The following SORCS1 variants were observed in gnomAD, a reference collection of about 807,000 sequenced individuals.
SORCS1 encodes the protein VPS10 domain-containing receptor SorCS1.
In SORCS1, 60 loss-of-function variants were observed where a neutral mutation model predicts 146.1. The observed-to-expected ratio is 0.41, with a 90% confidence interval of 0.33 to 0.51. The LOEUF is 0.51. Among genes scored for constraint, SORCS1 ranks in the 20% least tolerant of loss-of-function variants. SORCS1 has a pLI of 0.21. For missense variants in SORCS1, 1,352 were observed against 1,487.6 expected (o/e 0.91, Z 1.50); for synonymous variants, 637 against 584.0 (o/e 1.09, Z -1.31).
In SORCS1 at chr10:107,095,929, T is replaced by C. The variant is rs1015332523; in HGVS notation, c.558+68040A>G. Among the ~76,000 whole-genome samples, 5 of 152,174 alleles carry C rather than the reference T, an allele frequency of 3.3e-5. No homozygotes were observed. The South Asian group carries it at 8.3e-4, about 25-fold the overall frequency. ...ATAGCCCCAACATAGTTATTTCCAA[T>C]TGGTAAGTGGAATTCAATTTGCATT... is the stretch of plus-strand genomic sequence containing the variant. On this transcript the variant is annotated intron_variant, in intron 1 of 25. Transcript: ENST00000263054.
intron 1 of SORCS1, among the ~76,000 whole-genome samples, chr10:107,080,603 C>T (rs776010442): frequency 6.6e-6 from 1 of 152,176 alleles, no homozygotes; most frequent in Non-Finnish European, 1.5e-5. Flanking sequence ...ATGTGAAAGG[C>T]CTTCAGCAGT....
chr10:106,990,089 C>T (rs760883829), intron 1 of SORCS1, among the ~76,000 whole-genome samples: 2 of 152,096 alleles, frequency 1.3e-5, no homozygotes, highest in Non-Finnish European at 2.9e-5. Flanking sequence ...ATTTCTTTTG[C>T]AATGAAAATA....
intron 2 of SORCS1, among the ~76,000 whole-genome samples, chr10:106,937,102 G>A (rs1365343824): frequency 1.3e-5 from 2 of 151,962 alleles, no homozygotes; most frequent in East Asian, 1.9e-4. Context: ...TCATTGGGAG[G>A]TAACTGAATC....
intron 2 of SORCS1, among the ~76,000 whole-genome samples, chr10:106,902,456 T>C (rs184637938): frequency 1.2e-4 from 19 of 152,280 alleles, no homozygotes; most frequent in African/African-American, 4.3e-4. Flanking sequence ...TACATTAGAA[T>C]ACTTAAACAT....
At chr10:106,780,988 T>C (rs957097695) in intron 3 of SORCS1, among the ~76,000 whole-genome samples, 1 of 150,802 alleles carries the variant, frequency 6.6e-6, no homozygotes, top group East Asian at 2.0e-4. Context: ...TTTTTTTTTT[T>C]TTTGGTATTA....
At chr10:107,020,223 G>A (rs559661434) in intron 1 of SORCS1, among the ~76,000 whole-genome samples, 2 of 152,290 alleles carry the variant, frequency 1.3e-5, no homozygotes, top group East Asian at 3.9e-4. Context: ...CTAATCTTAG[G>A]ACTTCACTAA....
intron 1 of SORCS1, among the ~76,000 whole-genome samples, chr10:107,024,788 AT>A (rs1193010645): frequency 6.6e-6 from 1 of 152,120 alleles, no homozygotes; most frequent in African/African-American, 2.4e-5. Context: ...TACATTGGTA[AT>A]TTTTTCACAG....
chr10:106,609,330 A>G lies in SORCS1; in HGVS notation c.3034-2033T>C, dbSNP rs542201833. ...ACAAAAATGTTTATAATGACATTCA[A>G]TTAAAGATTTCATTGTGAAATGTCA... On this transcript the variant is annotated intron_variant, in intron 22 of 25. Transcript: ENST00000263054. Among the ~76,000 whole-genome samples the G allele has an allele frequency of 6.6e-5, 10 of 152,358 alleles. No homozygotes were observed. In the East Asian group the frequency reaches 1.5e-3, roughly 23 times the overall value.
At position 107,120,573 on chromosome 10, in the gene SORCS1, T is replaced by C. The variant is rs1367711128; in HGVS notation, c.558+43396A>G. 2.6e-5 allele frequency among the ~76,000 whole-genome samples: 4 copies of C among 152,192 alleles called. No homozygotes were observed. The South Asian group carries it at 6.2e-4, about 24-fold the overall frequency. ...GACTTATAACATGGATCACTTGAAA[T>C]AAGGACCAGGAAATTCACAGAAGTA... is the stretch of plus-strand genomic sequence containing the variant. On this transcript the variant is annotated intron_variant, in intron 1 of 25. Transcript: ENST00000263054.
intron 1 of SORCS1, among the ~76,000 whole-genome samples, chr10:106,997,376 C>T (rs546639261): frequency 4.0e-4 from 61 of 152,332 alleles, no homozygotes; most frequent in African/African-American, 1.4e-3. Flanking sequence ...GCTCCTGACA[C>T]TTCACTGCTG....
At chr10:107,151,667 G>A (rs1968810092) in intron 1 of SORCS1, among the ~76,000 whole-genome samples, 1 of 152,188 alleles carries the variant, frequency 6.6e-6, no homozygotes. Flanking sequence ...TACAATTCTA[G>A]TGGAGATTTG....
chr10:106,629,726 A>C (rs1037024368), intron 18 of SORCS1, among the ~76,000 whole-genome samples: 1 of 152,220 alleles, frequency 6.6e-6, no homozygotes, highest in Non-Finnish European at 1.5e-5. Flanking sequence ...CAAGGATAAA[A>C]GGTGTACACA....
At chr10:106,602,497 A>G (rs1846301230) in intron 23 of SORCS1, among the ~76,000 whole-genome samples, 1 of 141,062 alleles carries the variant, frequency 7.1e-6, no homozygotes, top group Non-Finnish European at 1.5e-5. Context: ...CAGTAGCTCA[A>G]TTTCATTCCT....
At chr10:106,989,271 GAAAAAAAAAAAA>G (rs1161174866) in intron 1 of SORCS1, among the ~76,000 whole-genome samples, 3 of 75,672 alleles carry the variant, frequency 4.0e-5, no homozygotes, top group African/African-American at 1.3e-4. Flanking sequence ...CTCCACCTCA[GAAAAAAAAAAAA>G]AAAAAAAAAA....
At chr10:107,138,617 G>T (rs1967540696) in intron 1 of SORCS1, among the ~76,000 whole-genome samples, 1 of 152,134 alleles carries the variant, frequency 6.6e-6, no homozygotes, top group African/African-American at 2.4e-5. Context: ...ACACTTTGAG[G>T]ACAAAATATC....
intron 1 of SORCS1, among the ~76,000 whole-genome samples, chr10:107,004,026 T>C (rs1330248729): frequency 6.6e-6 from 1 of 151,698 alleles, no homozygotes; most frequent in African/African-American, 2.4e-5. Context: ...ATACAAAAAA[T>C]TAGCCAGGCG....
At chr10:106,708,331 T>C (rs1193292381) in intron 7 of SORCS1, among the ~76,000 whole-genome samples, 1 of 152,088 alleles carries the variant, frequency 6.6e-6, no homozygotes, top group Non-Finnish European at 1.5e-5. Flanking sequence ...TTTAAACAAA[T>C]TGCATCCTCA....
intron 1 of SORCS1, among the ~76,000 whole-genome samples, chr10:106,985,310 C>T (rs765822558): frequency 2.0e-5 from 3 of 152,044 alleles, no homozygotes; most frequent in Non-Finnish European, 4.4e-5. Context: ...ACATGAAATA[C>T]GTTATAAACC....
intron 2 of SORCS1, among the ~76,000 whole-genome samples, chr10:106,934,148 TAGAC>T (rs1237107363): frequency 6.8e-6 from 1 of 148,004 alleles, no homozygotes; most frequent in Non-Finnish European, 1.5e-5. Context: ...GAAAATATAA[TAGAC>T]ATTGGCGTGG....
Sources: allele counts gnomAD v4.1 joint callset (sites outside exome capture counted in the v4.1 genomes callset), GRCh38; gene constraint gnomAD v4.1.1; transcripts MANE v1.5; gene names NCBI Gene and HGNC (gene_info 2026-07-23, HGNC 2026-07-21).